KIF6: variants seen among roughly 807,000 people sequenced by gnomAD.
KIF6 encodes the protein kinesin-like protein KIF6.
A neutral mutation model predicts 112.7 loss-of-function variants in KIF6; 106 were observed. That is an observed-to-expected ratio of 0.94 (90% CI 0.80 to 1.11). The LOEUF (loss-of-function observed/expected upper bound fraction) is 1.11, where lower values mean the gene tolerates loss of function less well. KIF6 is among the 50% of genes least tolerant of loss of function. The pLI, the probability that KIF6 is intolerant of heterozygous loss-of-function variation, is 0.00. For missense variants in KIF6, 929 were observed against 964.0 expected (o/e 0.96, Z 0.48); for synonymous variants, 339 against 339.9 (o/e 1.00, Z 0.03).
rs555347307 is a variant in KIF6, at chr6:39,641,772, A to G, written c.252-2015T>C. Among the ~76,000 whole-genome samples the G allele has an allele frequency of 1.1e-4, 16 of 152,210 alleles. No individual in the cohort carries two copies. The East Asian group carries it at 2.7e-3, about 26-fold the overall frequency. On this transcript the variant is annotated intron_variant, in intron 3 of 22. Coordinates refer to ENST00000287152, the MANE Select transcript of KIF6 (RefSeq NM_145027.6). ...TGAGTAGGTAGTACACTACGTTGGC[A>G]TCTGCTAAGTGTTATGTCTACTTTT...
chr6:39,636,379 G>A (rs1458241453), intron 4 of KIF6, among the ~76,000 whole-genome samples: 4 of 151,892 alleles, frequency 2.6e-5, no homozygotes, highest in African/African-American at 9.7e-5. Flanking sequence ...GACATGGACC[G>A]AATTACCAAG....
In KIF6 at chr6:39,576,831, C is replaced by G. The variant is rs144902859; in HGVS notation, c.1181+1225G>C. 5.3e-5 allele frequency among the ~76,000 whole-genome samples: 8 copies of G among 152,274 alleles called. No homozygotes were observed. The East Asian group carries it at 1.5e-3, about 29-fold the overall frequency. ...AAACTGTCTCCTGGCAGTCAATTTC[C>G]TATATTAAATTCCTTTTGTTAAAAG... On this transcript the variant is annotated intron_variant, in intron 10 of 22. Coordinates refer to ENST00000287152, the MANE Select transcript of KIF6 (RefSeq NM_145027.6).
At chr6:39,438,854 A>C (rs1019702172) in intron 13 of KIF6, among the ~76,000 whole-genome samples, 1 of 152,172 alleles carries the variant, frequency 6.6e-6, no homozygotes, top group Non-Finnish European at 1.5e-5. Flanking sequence ...CATTCATGGT[A>C]ACTGCCCTGT....
intron 13 of KIF6, among the ~76,000 whole-genome samples, chr6:39,502,220 T>A (rs1437238720): frequency 6.6e-6 from 1 of 151,972 alleles, no homozygotes; most frequent in Non-Finnish European, 1.5e-5. Context: ...AAACCAGAAT[T>A]TCATATTGAC....
At chr6:39,657,567 A>C (rs759645742) in intron 3 of KIF6, among the ~76,000 whole-genome samples, 1 of 152,254 alleles carries the variant, frequency 6.6e-6, no homozygotes, top group African/African-American at 2.4e-5. Flanking sequence ...ACACAATTAC[A>C]TAATTGTTTC....
intron 13 of KIF6, among the ~76,000 whole-genome samples, chr6:39,503,962 T>C (rs150327166): frequency 2.1e-3 from 318 of 152,226 alleles, no homozygotes; most frequent in Non-Finnish European, 3.5e-3. Context: ...ACTGAAACTA[T>C]TCCAAAAAGT....
chr6:39,571,346 A>T (rs1345914485), intron 10 of KIF6, among the ~76,000 whole-genome samples: 1 of 152,100 alleles, frequency 6.6e-6, no homozygotes, highest in Admixed American at 6.5e-5. Context: ...ACTCCAGCCA[A>T]TTCTGTCCAA....
At chr6:39,623,115 G>A (rs1783914854) in intron 5 of KIF6, among the ~76,000 whole-genome samples, 1 of 152,144 alleles carries the variant, frequency 6.6e-6, no homozygotes, top group Non-Finnish European at 1.5e-5. Context: ...TGATTACATT[G>A]TATAGAATAT....
intron 5 of KIF6, among the ~76,000 whole-genome samples, chr6:39,628,929 G>A (rs936874940): frequency 6.6e-6 from 1 of 152,016 alleles, no homozygotes; most frequent in South Asian, 2.1e-4. Context: ...GAATCATACA[G>A]TATGTAGACT....
chr6:39,546,969 A>C (rs1429886375), intron 10 of KIF6, among the ~76,000 whole-genome samples: 1 of 152,154 alleles, frequency 6.6e-6, no homozygotes, highest in African/African-American at 2.4e-5. Context: ...CTCAACACAA[A>C]TATGTTCACT....
rs376772690 is a variant in KIF6 at position 39,534,731 on chromosome 6, A to G, written c.1645+5272T>C. 1.2e-4 allele frequency among the ~76,000 whole-genome samples: 19 copies of G among 152,254 alleles called. No individual in the cohort carries two copies. The East Asian group carries it at 1.7e-3, about 14-fold the overall frequency. On this transcript the variant is annotated intron_variant, in intron 13 of 22. Coordinates refer to ENST00000287152, the MANE Select transcript of KIF6 (RefSeq NM_145027.6). ...AGAGAATGCCACAAAGATACTCCTCAAGAAGAGCAACTCCAAGACACATAA... is the reference window on the plus strand; with the variant it reads ...AGAGAATGCCACAAAGATACTCCTCGAGAAGAGCAACTCCAAGACACATAA...
chr6:39,595,962 T>TA (rs140081530), intron 7 of KIF6, 92 bp downstream of exon 7: 21 of 955,916 alleles, frequency 2.2e-5, no homozygotes, highest in East Asian at 5.3e-5. Context: ...TTCATCATAA[T>TA]AAAAAAAATT....
chr6:39,525,843 A>G lies in KIF6; in HGVS notation c.1645+14160T>C, dbSNP rs1378425430. Among the ~76,000 whole-genome samples the G allele has an allele frequency of 2.8e-5, 4 of 144,848 alleles. No individual in the cohort carries two copies. The East Asian group carries it at 7.8e-4, about 28-fold the overall frequency. ...TAAATAAATAAATAAATAAATAAAT[A>G]AATAAAGCCTTTTTCCCCAACCTCA... On this transcript the variant is annotated intron_variant, in intron 13 of 22. Transcript: ENST00000287152.
intron 21 of KIF6, among the ~76,000 whole-genome samples, chr6:39,344,469 C>T (rs760018535): frequency 1.2e-4 from 18 of 152,166 alleles, no homozygotes; most frequent in Admixed American, 5.9e-4. Flanking sequence ...GATATGACCC[C>T]GGGTCAGGGG....
intron 3 of KIF6, among the ~76,000 whole-genome samples, chr6:39,646,634 G>A (rs947958265): frequency 6.6e-6 from 1 of 152,142 alleles, no homozygotes; most frequent in African/African-American, 2.4e-5. Context: ...AAAAACAGTT[G>A]CTAGAAGCAA....
intron 13 of KIF6, among the ~76,000 whole-genome samples, chr6:39,502,325 C>A (rs1776180418): frequency 6.6e-6 from 1 of 152,004 alleles, no homozygotes. Context: ...ATTGCAAGAG[C>A]TCCTGAAGGA....
chr6:39,540,203 A>T lies in KIF6; in HGVS notation c.1445T>A (p.Leu482Ter). 6.2e-7 allele frequency: 1 copy of T among 1,609,982 alleles called. No homozygotes were observed. The highest frequency in any genetic ancestry group is 8.5e-7 in the Non-Finnish European group (1 of 1,178,692). Residue 482 changes from leucine to a stop codon, truncating the protein, a stop_gained, in exon 13 of 23, where the codon TTA becomes TAA. Coordinates refer to ENST00000287152, the MANE Select transcript of KIF6 (RefSeq NM_145027.6). LOFTEE classifies it high-confidence loss of function. ...CTGAGCTTTCTTCTTTTCTTTTTTTAACATGTTGACCAGGATATCTGAAAC... is the reference window on the plus strand; with the variant it reads ...CTGAGCTTTCTTCTTTTCTTTTTTTTACATGTTGACCAGGATATCTGAAAC... ...DNEINILVNM[L>*]KKEKKKAQEA...
chr6:39,710,644 G>A (rs554108147), intron 3 of KIF6, among the ~76,000 whole-genome samples: 3 of 152,226 alleles, frequency 2.0e-5, no homozygotes, highest in South Asian at 4.1e-4. Context: ...AAATTACCAT[G>A]CTGGAAGTCT....
intron 13 of KIF6, among the ~76,000 whole-genome samples, chr6:39,468,159 T>C (rs1773905996): frequency 6.6e-6 from 1 of 150,740 alleles, no homozygotes; most frequent in Non-Finnish European, 1.5e-5. Flanking sequence ...AGAGATTACA[T>C]ACTCTGAAGA....
Sources: gnomAD v4.1 joint callset for allele counts (sites outside exome capture counted in the v4.1 genomes callset) on GRCh38, gnomAD v4.1.1 for gene constraint, MANE v1.5 for transcripts, NCBI Gene and HGNC (gene_info 2026-07-23, HGNC 2026-07-21) for gene names.